The following HEG1 variants were observed in gnomAD, a reference collection of about 807,000 sequenced individuals.
HEG1 encodes the protein heart development protein with EGF like domains 1.
A neutral mutation model predicts 125.6 loss-of-function variants in HEG1; 56 were observed. The ratio of observed to expected loss-of-function variants is 0.45; its 90% CI spans 0.36 to 0.56. The LOEUF is 0.56. HEG1 is among the 20% of genes least tolerant of loss of function. HEG1 has a pLI of 0.00. For missense variants in HEG1, 1,523 were observed against 1,670.0 expected (o/e 0.91, Z 1.53); for synonymous variants, 644 against 668.5 (o/e 0.96, Z 0.57).
chr3:125,036,207 C>A (rs1453585978), intron 1 of HEG1, among the ~76,000 whole-genome samples: 2 of 20,076 alleles, frequency 1.0e-4, no homozygotes, highest in East Asian at 8.3e-3. Context: ...AAGACCCTGT[C>A]TCAAAAAAAA....
At chr3:125,047,682 A>G (rs2107714197) in intron 1 of HEG1, among the ~76,000 whole-genome samples, 1 of 152,326 alleles carries the variant, frequency 6.6e-6, no homozygotes, top group South Asian at 2.1e-4. Context: ...AGCTGTTTCC[A>G]TCTCCTATCA....
chr3:125,034,919 T>C (rs1341205276), intron 1 of HEG1, among the ~76,000 whole-genome samples: 2 of 152,124 alleles, frequency 1.3e-5, no homozygotes, highest in Non-Finnish European at 2.9e-5. Flanking sequence ...AACACACAAC[T>C]GATTGGAGTT....
At position 125,029,207 on chromosome 3, in the gene HEG1, T is replaced by G; in HGVS notation, c.598A>C (p.Ser200Arg). Residue 200 changes from serine (S) to arginine (R), a missense_variant, in exon 2 of 17, where the codon AGT becomes CGT. By Grantham distance (110) the Ser-to-Arg change is moderately radical. Transcript: ENST00000311127. The part of the protein sequence containing the change: ...LEIATALTSQ[S>R]GNLASESLHL... Reference sequence around the variant, plus strand: ...AGCACAAGCTCACCTAAGTTGCCACTCTGGGAAGTCAGAGCTGTTGCTATC... The same window carrying G: ...AGCACAAGCTCACCTAAGTTGCCACGCTGGGAAGTCAGAGCTGTTGCTATC... 6.2e-7 allele frequency: 1 copy of G among 1,612,060 alleles called. No homozygotes were observed. Among genetic ancestry groups the G allele is most frequent in the Non-Finnish European group, 8.5e-7 (1 of 1,179,160 alleles).
intron 5 of HEG1, among the ~76,000 whole-genome samples, chr3:125,017,303 C>T (rs375340645): frequency 1.3e-5 from 2 of 152,232 alleles, no homozygotes; most frequent in South Asian, 4.1e-4. Flanking sequence ...GATTCACCCG[C>T]CTTGACCTCC....
At chr3:125,046,064 G>A (rs1415043378) in intron 1 of HEG1, among the ~76,000 whole-genome samples, 1 of 152,078 alleles carries the variant, frequency 6.6e-6, no homozygotes, top group Non-Finnish European at 1.5e-5. Context: ...TTAAGGCCTA[G>A]GGACATTAGG....
chr3:125,045,033 C>G (rs1937640345), intron 1 of HEG1, among the ~76,000 whole-genome samples: 1 of 152,116 alleles, frequency 6.6e-6, no homozygotes, highest in Admixed American at 6.5e-5. Context: ...TGGCAAGAGA[C>G]GAAGATGATG....
At chr3:125,055,305 T>A (rs566391505) in intron 1 of HEG1, among the ~76,000 whole-genome samples, 134 of 151,948 alleles carry the variant, frequency 8.8e-4, no homozygotes, top group African/African-American at 3.2e-3. Flanking sequence ...TTTTTTAAAG[T>A]GGGGTGGAAG....
rs1936644880 is a variant in HEG1 at position 124,981,190 on chromosome 3, A to G, written c.3734-3244T>C. On this transcript the variant is annotated intron_variant, in intron 14 of 16. Coordinates refer to ENST00000311127, the MANE Select transcript of HEG1 (RefSeq NM_020733.2). Reference sequence around the variant, plus strand: ...TAAAGTCGCATGTGCTCCTCCCCTCATCTGTCCCCACAGGCACCAACTATC... The same window carrying G: ...TAAAGTCGCATGTGCTCCTCCCCTCGTCTGTCCCCACAGGCACCAACTATC... Among the ~76,000 whole-genome samples the G allele has an allele frequency of 2.0e-5, 3 of 149,462 alleles. No individual in the cohort carries two copies. The South Asian group carries it at 6.4e-4, about 32-fold the overall frequency.
chr3:125,002,730 G>A (rs1006232884), intron 9 of HEG1, among the ~76,000 whole-genome samples: 2 of 152,120 alleles, frequency 1.3e-5, no homozygotes, highest in East Asian at 1.9e-4. Context: ...CTACATAGAC[G>A]CCTCATAATC....
In HEG1 at chr3:125,002,415, C is replaced by A. The variant is rs975279075; in HGVS notation, c.3298-100G>T. On this transcript the variant is annotated intron_variant, in intron 9 of 16. Coordinates refer to ENST00000311127, the MANE Select transcript of HEG1 (RefSeq NM_020733.2). ...TCAGGATAAAACAGGCATTTTCCAG[C>A]CATCAAGTTATCAGCACGCGGCTTT... is the stretch of plus-strand genomic sequence containing the variant. 2.6e-5 allele frequency: 28 copies of A among 1,065,050 alleles called. No individual in the cohort carries two copies. The African/African-American group carries it at 4.3e-4, about 16-fold the overall frequency. The allele number at this position is 1,065,050 out of a possible 1,614,324, so 66.0% of individuals were successfully genotyped here.
Position 125,005,197 on chromosome 3 carries a change from C to A in HEG1, c.3297+68G>T, listed in dbSNP as rs551016190. The A allele has an allele frequency of 1.5e-4, 135 of 897,790 alleles. 1 individual carries two copies. The African/African-American group carries it at 2.1e-3, about 14-fold the overall frequency. 55.6% of individuals were successfully genotyped at this position (897,790 alleles called of 1,614,324 possible). A position where few individuals can be genotyped will look rare whatever the true frequency, so the allele number is the denominator to read the frequency against. On this transcript the variant is annotated intron_variant, in intron 9 of 16. Transcript: ENST00000311127. ...AGACACAGCTGACCGCTAGGCAGTC[C>A]CCTCTTGGAATAAAATCTGTTCTAG...
intron 1 of HEG1, among the ~76,000 whole-genome samples, chr3:125,043,014 G>C (rs1018043307): frequency 3.9e-5 from 6 of 152,220 alleles, no homozygotes; most frequent in African/African-American, 1.4e-4. Flanking sequence ...AGGGCTCTCA[G>C]GGAGTTTCGT....
In HEG1 at chr3:125,012,771, C is replaced by T. The variant is rs1365256435; in HGVS notation, c.2808G>A (p.Glu936=). The change falls in exon 6 of 17, where the codon GAG becomes GAA. Residue 936 remains glutamate, a synonymous_variant. Transcript: ENST00000311127. The part of the protein sequence containing the change: ...EMTTKLGVTA[E]YSPASRSLGT... ...CGAGGGAACGTGAAGCTGGGCTGTA[C>T]TCTGCTGTAACGCCAAGCTTTGTGG... The T allele has an allele frequency of 1.2e-6, 2 of 1,614,062 alleles. No individual in the cohort carries two copies. Among genetic ancestry groups the T allele is most frequent in the Admixed American group, 3.3e-5 (2 of 60,030 alleles).
intron 1 of HEG1, among the ~76,000 whole-genome samples, chr3:125,049,712 C>T (rs1937760075): frequency 6.6e-6 from 1 of 152,158 alleles, no homozygotes; most frequent in African/African-American, 2.4e-5. Flanking sequence ...CCACTACCTC[C>T]ACTCTAACCC....
chr3:124,996,646 G>A (rs1469771040), intron 12 of HEG1, among the ~76,000 whole-genome samples: 2 of 152,218 alleles, frequency 1.3e-5, no homozygotes, highest in East Asian at 3.8e-4. Context: ...CAGAGGGTCT[G>A]AAGCTCAGGA....
rs1937922988 is a variant in HEG1, at chr3:125,055,712, G to C, written c.179C>G (p.Pro60Arg). 9.4e-7 allele frequency: 1 copy of C among 1,068,366 alleles called. No homozygotes were observed. Among genetic ancestry groups the C allele is most frequent in the Non-Finnish European group, 1.1e-6 (1 of 885,294 alleles). 66.2% of individuals were successfully genotyped at this position (1,068,366 alleles called of 1,614,324 possible). A position where few individuals can be genotyped will look rare whatever the true frequency, so the allele number is the denominator to read the frequency against. ...AGLELQLERR[P>R]EREPPPTPPR... ...CGGCGTGGGCGGCGGCTCGCGCTCCGGGCGGCGCTCCAGCTGCAGCTCCAG... is the reference window on the plus strand; with the variant it reads ...CGGCGTGGGCGGCGGCTCGCGCTCCCGGCGGCGCTCCAGCTGCAGCTCCAG... The change falls in exon 1 of 17, where the codon CCG becomes CGG. Residue 60 changes from proline (P) to arginine (R), a missense_variant. Transcript: ENST00000311127.
intron 10 of HEG1, 48 bp from the exon 11 acceptor site, chr3:125,002,060 G>A (rs1205390396): frequency 1.2e-5 from 19 of 1,605,182 alleles, no homozygotes; most frequent in Non-Finnish European, 1.6e-5. Context: ...ATGACACGTG[G>A]GTCCCAAGGC....
chr3:125,028,056 C>G (rs1937443487), intron 2 of HEG1, among the ~76,000 whole-genome samples: 1 of 151,464 alleles, frequency 6.6e-6, no homozygotes, highest in Admixed American at 6.6e-5. Context: ...TTCAGGCCAT[C>G]AACAGGTCCT....
chr3:125,008,753 T>C (rs1016761045), intron 8 of HEG1, among the ~76,000 whole-genome samples: 2 of 152,144 alleles, frequency 1.3e-5, no homozygotes, highest in Non-Finnish European at 2.9e-5. Context: ...GCTGAGATGG[T>C]GCCACTGCAC....
Sources: gnomAD v4.1 joint callset for allele counts (sites outside exome capture counted in the v4.1 genomes callset) on GRCh38, gnomAD v4.1.1 for gene constraint, MANE v1.5 for transcripts, NCBI Gene and HGNC (gene_info 2026-07-23, HGNC 2026-07-21) for gene names.